DACH1: variants seen among roughly 807,000 people sequenced by gnomAD.
DACH1 encodes dachshund homolog 1.
DACH1 carries 12 observed loss-of-function variants against 54.2 expected under a neutral mutation model. The observed-to-expected ratio is 0.22, with a 90% CI of 0.14 to 0.36. The LOEUF is 0.36. Ranked by LOEUF, DACH1 falls within the 10% of genes least tolerant of loss-of-function variation. DACH1 has a pLI of 1.00. For synonymous variants in DACH1, 386 were observed against 366.2 expected (o/e 1.05, Z -0.62); for missense variants, 805 against 929.8 (o/e 0.87, Z 1.75).
chr13:71,673,610 G>T (rs995727685), intron 2 of DACH1, among the ~76,000 whole-genome samples: 28 of 152,102 alleles, frequency 1.8e-4, no homozygotes, highest in African/African-American at 5.5e-4. Context: ...GTGCCTGTTG[G>T]GGGGTGTGGG....
At chr13:71,467,561 A>C (rs1441904390) in intron 10 of DACH1, among the ~76,000 whole-genome samples, 1 of 151,680 alleles carries the variant, frequency 6.6e-6, no homozygotes, top group African/African-American at 2.4e-5. Flanking sequence ...AAAAATTCTA[A>C]AATTTTATAA....
At chr13:71,479,081 C>A (rs777151661) in intron 8 of DACH1, 88 bp downstream of exon 8, 1 of 1,265,988 alleles carries the variant, frequency 7.9e-7, no homozygotes, top group Non-Finnish European at 1.1e-6. Flanking sequence ...AACAAAAATA[C>A]TACAATTTCA....
intron 5 of DACH1, 69 bp from the exon 6 acceptor site, chr13:71,557,227 A>C: frequency 2.1e-6 from 3 of 1,442,202 alleles, no homozygotes; most frequent in Non-Finnish European, 2.8e-6. Flanking sequence ...GGTTCCAATA[A>C]GTCAATTAAA....
At chr13:71,623,555 T>C (rs1876409377) in intron 3 of DACH1, among the ~76,000 whole-genome samples, 1 of 151,788 alleles carries the variant, frequency 6.6e-6, no homozygotes, top group South Asian at 2.1e-4. Context: ...AAATAGATGT[T>C]ATAGTATACT....
chr13:71,480,692 T>A (rs887570874), intron 7 of DACH1, among the ~76,000 whole-genome samples: 4 of 152,178 alleles, frequency 2.6e-5, no homozygotes, highest in Admixed American at 6.5e-5. Context: ...CTCTAGGATG[T>A]GACTCCCTTG....
At chr13:71,864,733 A>G (rs1048498250) in intron 1 of DACH1, among the ~76,000 whole-genome samples, 4 of 151,642 alleles carry the variant, frequency 2.6e-5, no homozygotes, top group Non-Finnish European at 5.9e-5. Context: ...GAAACTGACA[A>G]GTTGCCCCAC....
intron 1 of DACH1, among the ~76,000 whole-genome samples, chr13:71,859,717 A>C (rs1036766380): frequency 6.6e-5 from 10 of 151,914 alleles, no homozygotes; most frequent in African/African-American, 2.4e-4. Flanking sequence ...CCAAATATAA[A>C]TATCTTATCC....
intron 1 of DACH1, among the ~76,000 whole-genome samples, chr13:71,740,345 A>T (rs140940318): frequency 1.9e-3 from 292 of 152,184 alleles, no homozygotes; most frequent in African/African-American, 6.6e-3. Context: ...GATTTCAAGA[A>T]CTCTTTCCTT....
intron 1 of DACH1, among the ~76,000 whole-genome samples, chr13:71,732,391 C>A (rs934894409): frequency 1.3e-5 from 2 of 151,918 alleles, no homozygotes; most frequent in African/African-American, 4.8e-5. Context: ...TCGAGACCAG[C>A]CTGGCCAACA....
At chr13:71,859,388 T>G (rs1195306994) in intron 1 of DACH1, among the ~76,000 whole-genome samples, 1 of 151,778 alleles carries the variant, frequency 6.6e-6, no homozygotes, top group Non-Finnish European at 1.5e-5. Flanking sequence ...TTGGATCAAG[T>G]GGTGATTTGG....
intron 6 of DACH1, among the ~76,000 whole-genome samples, chr13:71,541,902 G>A (rs1014970174): frequency 2.7e-5 from 4 of 146,438 alleles, no homozygotes; most frequent in African/African-American, 1.0e-4. Context: ...GACATTTGTG[G>A]AAAAGTCACT....
At chr13:71,798,558 G>T (rs976594954) in intron 1 of DACH1, among the ~76,000 whole-genome samples, 3 of 151,404 alleles carry the variant, frequency 2.0e-5, no homozygotes, top group Admixed American at 6.6e-5. Flanking sequence ...CAGAATTTTG[G>T]AGTTTATTTA....
chr13:71,654,965 G>A (rs2138634605), intron 2 of DACH1, among the ~76,000 whole-genome samples: 1 of 152,320 alleles, frequency 6.6e-6, no homozygotes, highest in African/African-American at 2.4e-5. Context: ...ACAGACTTAT[G>A]ATTCTAATCT....
At chr13:71,660,724 T>C (rs561873083) in intron 2 of DACH1, among the ~76,000 whole-genome samples, 1 of 152,086 alleles carries the variant, frequency 6.6e-6, no homozygotes, top group Admixed American at 6.6e-5. Context: ...TTATGTAATG[T>C]GTAAGCTGCC....
At chr13:71,760,864 A>T (rs946280927) in intron 1 of DACH1, among the ~76,000 whole-genome samples, 2 of 152,148 alleles carry the variant, frequency 1.3e-5, no homozygotes, top group African/African-American at 4.8e-5. Context: ...CACTTAGCAC[A>T]TTCCACTATA....
At chr13:71,525,218 G>T (rs1593835524) in intron 6 of DACH1, among the ~76,000 whole-genome samples, 1 of 152,036 alleles carries the variant, frequency 6.6e-6, no homozygotes, top group Non-Finnish European at 1.5e-5. Flanking sequence ...GCCTGAGATC[G>T]TTGAGAGCAA....
rs1874433688 is a variant in DACH1 at position 71,600,790 on chromosome 13, G to A, written c.1127-27778C>T. ...TTTATATTTTAAAAAAGTATATAAA[G>A]AGGACTCAATCATCAAAAGGTAATT... On this transcript the variant is annotated intron_variant, in intron 3 of 10. Coordinates refer to ENST00000613252, the MANE Select transcript of DACH1 (RefSeq NM_080759.6). 3.9e-5 allele frequency among the ~76,000 whole-genome samples: 6 copies of A among 151,962 alleles called. No homozygotes were observed. The South Asian group carries it at 1.2e-3, about 31-fold the overall frequency.
intron 10 of DACH1, among the ~76,000 whole-genome samples, chr13:71,461,336 A>G (rs1459143446): frequency 6.6e-6 from 1 of 152,038 alleles, no homozygotes. Flanking sequence ...CATTCATTCA[A>G]AAGAGCTTTG....
chr13:71,682,067 A>G (rs1349242165), intron 1 of DACH1, among the ~76,000 whole-genome samples, 157 bp from the exon 2 acceptor site: 1 of 152,234 alleles, frequency 6.6e-6, no homozygotes, highest in Non-Finnish European at 1.5e-5. Context: ...TAATTAGATT[A>G]CATGCTGAAT....
Sources: gnomAD v4.1 joint callset for allele counts (sites outside exome capture counted in the v4.1 genomes callset) on GRCh38, gnomAD v4.1.1 for gene constraint, MANE v1.5 for transcripts, NCBI Gene and HGNC (gene_info 2026-07-23, HGNC 2026-07-21) for gene names.